CNTN5: variants seen among roughly 807,000 people sequenced by gnomAD.
CNTN5 encodes contactin 5.
CNTN5 carries 77 observed loss-of-function variants against 129.1 expected under a neutral mutation model. The observed-to-expected ratio is 0.60, with a 90% CI of 0.50 to 0.72. CNTN5 has a LOEUF of 0.72. Ranked by LOEUF, CNTN5 falls within the 30% of genes least tolerant of loss-of-function variation. CNTN5 has a pLI of 0.00. For synonymous variants in CNTN5, 509 were observed against 465.6 expected, an observed-to-expected ratio of 1.09 and a Z score of -1.20; for missense variants, 1,478 against 1,328.8, an observed-to-expected ratio of 1.11 and a Z score of -1.75.
intron 1 of CNTN5, among the ~76,000 whole-genome samples, chr11:99,042,830 T>C (rs1280699471): frequency 6.6e-6 from 1 of 151,792 alleles, no homozygotes; most frequent in Non-Finnish European, 1.5e-5. Flanking sequence ...GTGTTTAACG[T>C]ACAGCTCCAG....
At chr11:99,793,078 T>C (rs1032277585) in intron 3 of CNTN5, among the ~76,000 whole-genome samples, 1 of 151,578 alleles carries the variant, frequency 6.6e-6, no homozygotes, top group Non-Finnish European at 1.5e-5. Context: ...TTTTTTTTTT[T>C]CGACACAGTC....
At chr11:99,232,023 C>T (rs1487895721) in intron 1 of CNTN5, among the ~76,000 whole-genome samples, 1 of 152,090 alleles carries the variant, frequency 6.6e-6, no homozygotes, top group Non-Finnish European at 1.5e-5. Context: ...TGACTTTGTA[C>T]CACTACCATA....
At chr11:99,253,637 C>A (rs1862226445) in intron 1 of CNTN5, among the ~76,000 whole-genome samples, 1 of 151,796 alleles carries the variant, frequency 6.6e-6, no homozygotes, top group African/African-American at 2.4e-5. Flanking sequence ...CTTCCCACCC[C>A]TGAATATGAT....
At chr11:99,131,257 A>AAAAAAAAG (rs1218903798) in intron 1 of CNTN5, among the ~76,000 whole-genome samples, 2 of 148,510 alleles carry the variant, frequency 1.3e-5, no homozygotes, top group African/African-American at 4.9e-5. Flanking sequence ...CAGAAAAAAA[A>AAAAAAAAG]AAAAAAAGAA....
rs1284652837 is a variant in CNTN5 at position 100,147,089 on chromosome 11, A to G, written c.1581-44037A>G. Reference sequence around the variant, plus strand: ...TCTTTCTCTACAGGATAAAGTCCATACTCTTTAGCATGGCAAACAAGGTCT... The same window carrying G: ...TCTTTCTCTACAGGATAAAGTCCATGCTCTTTAGCATGGCAAACAAGGTCT... On this transcript the variant is annotated intron_variant, in intron 13 of 24. Coordinates refer to ENST00000524871, the MANE Select transcript of CNTN5 (RefSeq NM_014361.4). 1.1e-4 allele frequency among the ~76,000 whole-genome samples: 16 copies of G among 151,800 alleles called. No homozygotes were observed. The East Asian group carries it at 3.1e-3, about 29-fold the overall frequency.
At chr11:100,260,027 A>G (rs1387919007) in intron 17 of CNTN5, among the ~76,000 whole-genome samples, 5 of 152,164 alleles carry the variant, frequency 3.3e-5, no homozygotes, top group Non-Finnish European at 5.9e-5. Flanking sequence ...GAAAAGATTA[A>G]CAAAATAGAT....
intron 6 of CNTN5, among the ~76,000 whole-genome samples, chr11:99,865,400 T>C (rs1045033768): frequency 6.6e-6 from 1 of 151,982 alleles, no homozygotes; most frequent in African/African-American, 2.4e-5. Flanking sequence ...TGTAATATTA[T>C]CTATTTTTAA....
rs1313570976 is a variant in CNTN5 at position 99,584,906 on chromosome 11, C to G, written c.55+28637C>G. ...TTTTCTTAAAAGTGAACTGAGTAGG[C>G]CTGTTGCTGCAAGGGAAACAACTAA... On this transcript the variant is annotated intron_variant, in intron 3 of 24. Transcript: ENST00000524871. 2.0e-5 allele frequency among the ~76,000 whole-genome samples: 3 copies of G among 152,142 alleles called. No homozygotes were observed. The East Asian group carries it at 5.8e-4, about 29-fold the overall frequency.
chr11:99,599,469 A>G (rs550077305), intron 3 of CNTN5, among the ~76,000 whole-genome samples: 112 of 152,294 alleles, frequency 7.4e-4, no homozygotes, highest in African/African-American at 2.7e-3. Flanking sequence ...TTAAGATGCC[A>G]GTTGCCTGCT....
chr11:99,896,250 G>A (rs1949202744), intron 6 of CNTN5, among the ~76,000 whole-genome samples: 1 of 152,136 alleles, frequency 6.6e-6, no homozygotes, highest in Non-Finnish European at 1.5e-5. Context: ...GCCAAACAGG[G>A]CTTGCTGCCT....
At chr11:100,205,150 G>A (rs1326013483) in intron 15 of CNTN5, among the ~76,000 whole-genome samples, 1 of 151,970 alleles carries the variant, frequency 6.6e-6, no homozygotes, top group Admixed American at 6.6e-5. Context: ...ATTTCTCAAA[G>A]TGATTTTCAA....
At chr11:99,959,067 G>A (rs778522699) in intron 8 of CNTN5, among the ~76,000 whole-genome samples, 8 of 152,022 alleles carry the variant, frequency 5.3e-5, no homozygotes, top group Non-Finnish European at 7.4e-5. Flanking sequence ...ATAATCATTC[G>A]CTGATATTTA....
intron 3 of CNTN5, among the ~76,000 whole-genome samples, chr11:99,764,052 A>T (rs867065717): frequency 6.6e-6 from 1 of 152,116 alleles, no homozygotes; most frequent in African/African-American, 2.4e-5. Flanking sequence ...AAATGATATC[A>T]TTAGCAATTA....
At chr11:99,793,387 G>C (rs965183023) in intron 3 of CNTN5, among the ~76,000 whole-genome samples, 2 of 130,652 alleles carry the variant, frequency 1.5e-5, no homozygotes, top group Non-Finnish European at 3.4e-5. Flanking sequence ...AAAATAATCA[G>C]CTTCTGGGTT....
chr11:99,947,725 C>T (rs1332226342), intron 7 of CNTN5, among the ~76,000 whole-genome samples: 1 of 152,054 alleles, frequency 6.6e-6, no homozygotes, highest in Non-Finnish European at 1.5e-5. Flanking sequence ...GGGTTTTGTC[C>T]TCTGTGACTC....
At chr11:100,121,058 T>C (rs1235520594) in intron 13 of CNTN5, among the ~76,000 whole-genome samples, 6 of 151,912 alleles carry the variant, frequency 3.9e-5, no homozygotes, top group Admixed American at 1.3e-4. Flanking sequence ...ACAAATGTAT[T>C]GGATCATAGT....
chr11:99,109,345 A>C (rs1857673407), intron 1 of CNTN5, among the ~76,000 whole-genome samples: 1 of 146,292 alleles, frequency 6.8e-6, no homozygotes, highest in Non-Finnish European at 1.5e-5. Flanking sequence ...TATGTGTAGA[A>C]CTCCTCGCAG....
chr11:99,895,385 C>A (rs1479162692), intron 6 of CNTN5, among the ~76,000 whole-genome samples: 1 of 152,312 alleles, frequency 6.6e-6, no homozygotes, highest in East Asian at 1.9e-4. Context: ...GAAGAGATAT[C>A]TCCTCAAGAG....
At chr11:99,463,210 G>A (rs1358796989) in intron 2 of CNTN5, among the ~76,000 whole-genome samples, 5 of 151,046 alleles carry the variant, frequency 3.3e-5, no homozygotes, top group South Asian at 4.2e-4. Context: ...AGGCCGAGGC[G>A]GGTAGATCAC....
Sources: allele counts gnomAD v4.1 joint callset (sites outside exome capture counted in the v4.1 genomes callset), GRCh38; gene constraint gnomAD v4.1.1; transcripts MANE v1.5; gene names NCBI Gene and HGNC (gene_info 2026-07-23, HGNC 2026-07-21).